The following SUN3 variants were observed in gnomAD, a reference collection of about 807,000 sequenced individuals.
The protein encoded by SUN3 is Sad1 and UNC84 domain containing 3.
In SUN3, 36 loss-of-function variants were observed where a neutral mutation model predicts 48.2. The ratio of observed to expected loss-of-function variants is 0.75; its 90% CI spans 0.57 to 0.99. The LOEUF (loss-of-function observed/expected upper bound fraction) is 0.99. SUN3 is among the 50% of genes least tolerant of loss of function. SUN3 has a pLI of 0.00. For missense variants in SUN3, 419 were observed against 433.1 expected, an observed-to-expected ratio of 0.97 and a Z score of 0.29; for synonymous variants, 148 against 147.9, an observed-to-expected ratio of 1.00 and a Z score of 0.00.
chr7:47,991,587 G>A (rs1317786965), intron 8 of SUN3, among the ~76,000 whole-genome samples: 3 of 140,924 alleles, frequency 2.1e-5, no homozygotes, highest in South Asian at 2.4e-4. Flanking sequence ...GGAGTAGACA[G>A]TAAAACCAAA....
At chr7:48,014,690 C>T (rs1168937676) in intron 3 of SUN3, among the ~76,000 whole-genome samples, 1 of 152,174 alleles carries the variant, frequency 6.6e-6, no homozygotes, top group African/African-American at 2.4e-5. Flanking sequence ...ACTAACAGAA[C>T]CTGCCAGATA....
chr7:48,035,372 C>T, the SUN3 span: 3 of 603,432 alleles, frequency 5.0e-6, no homozygotes, highest in Non-Finnish European at 8.9e-6. The surrounding 1 kb of genome is among the most constrained non-coding windows in gnomAD (Gnocchi z 4.0). Flanking sequence ...CTCTGGGCTA[C>T]GGGCAGTTGA....
intron 2 of SUN3, among the ~76,000 whole-genome samples, chr7:48,022,822 A>AT (rs1790036521): frequency 1.3e-5 from 2 of 152,056 alleles, no homozygotes; most frequent in Admixed American, 6.6e-5. Flanking sequence ...TTATCACCTG[A>AT]TTTTTTTCTT....
chr7:48,031,483 T>C (rs1021076954), upstream of SUN3, among the ~76,000 whole-genome samples: 2 of 152,250 alleles, frequency 1.3e-5, no homozygotes, highest in African/African-American at 4.8e-5. Context: ...CTGGGCAACA[T>C]AGCCAGACCC....
chr7:48,030,464 A>T (rs1790240336), upstream of SUN3, among the ~76,000 whole-genome samples: 1 of 152,204 alleles, frequency 6.6e-6, no homozygotes, highest in Non-Finnish European at 1.5e-5. Context: ...AGTATGTGAC[A>T]TTGTATTATA....
At chr7:48,026,432 A>G (rs920540687) in intron 1 of SUN3, among the ~76,000 whole-genome samples, 2 of 152,164 alleles carry the variant, frequency 1.3e-5, no homozygotes, top group African/African-American at 4.8e-5. Flanking sequence ...GTTGAAGTAC[A>G]GTATGCTATA....
At chr7:48,005,093 T>C (rs1282282306) in intron 6 of SUN3, among the ~76,000 whole-genome samples, 1 of 152,312 alleles carries the variant, frequency 6.6e-6, no homozygotes, top group East Asian at 1.9e-4. Flanking sequence ...AAAATGGAAG[T>C]TGTAAATACA....
At chr7:47,990,775 AAAG>A (rs1456789513) in intron 8 of SUN3, among the ~76,000 whole-genome samples, 9 of 151,100 alleles carry the variant, frequency 6.0e-5, no homozygotes, top group Non-Finnish European at 8.9e-5. Context: ...CAGCCATAAA[AAAG>A]AACAAGATCG....
At chr7:48,026,884 T>TA (rs901523348) in intron 1 of SUN3, among the ~76,000 whole-genome samples, 15 of 152,170 alleles carry the variant, frequency 9.9e-5, no homozygotes, top group African/African-American at 2.2e-4. Flanking sequence ...CCAAAACTGT[T>TA]AAAAAAAGTA....
chr7:48,018,182 T>A (rs1253443233), intron 2 of SUN3, among the ~76,000 whole-genome samples: 2 of 152,150 alleles, frequency 1.3e-5, no homozygotes, highest in Non-Finnish European at 2.9e-5. Context: ...CCTGGCTTAG[T>A]CTTGAAGGAG....
rs75503116 is a variant in SUN3 at position 47,995,827 on chromosome 7, A to C, written c.693+204T>G. On this transcript the variant is annotated intron_variant, in intron 7 of 9. Transcript: ENST00000297325. Reference sequence around the variant, plus strand: ...TAATCTTAAAATGATAAATAAGTAAATAATTAATCATAGTTTACTGACCAT... The same window carrying C: ...TAATCTTAAAATGATAAATAAGTAACTAATTAATCATAGTTTACTGACCAT... 9.8e-3 allele frequency among the ~76,000 whole-genome samples: 1,496 copies of C among 152,350 alleles called. 31 individuals are homozygous for C. The highest frequency in any genetic ancestry group is 0.035 in the African/African-American group (1,440 of 41,572).
At chr7:48,001,694 C>A (rs1789381788) in intron 6 of SUN3, among the ~76,000 whole-genome samples, 1 of 151,886 alleles carries the variant, frequency 6.6e-6, no homozygotes, top group South Asian at 2.1e-4. Flanking sequence ...CCACCACGCC[C>A]AGCTAATTTT....
chr7:47,988,624 A>C (rs187804251), intron 9 of SUN3, among the ~76,000 whole-genome samples, 164 bp downstream of exon 9: 7 of 152,352 alleles, frequency 4.6e-5, no homozygotes, highest in African/African-American at 1.7e-4. Context: ...TTTTGCATTA[A>C]AATCCTCGTA....
intron 2 of SUN3, among the ~76,000 whole-genome samples, chr7:48,022,901 A>G (rs911395787): frequency 3.9e-5 from 6 of 152,114 alleles, no homozygotes; most frequent in Non-Finnish European, 7.4e-5. Context: ...AAAATTCTAT[A>G]TATGAGAAAA....
intron 6 of SUN3, among the ~76,000 whole-genome samples, chr7:47,999,627 T>C (rs1405062588): frequency 1.3e-5 from 2 of 152,254 alleles, no homozygotes; most frequent in Non-Finnish European, 2.9e-5. Flanking sequence ...CCGCCTCGCC[T>C]TGCAGGTTCA....
chr7:48,018,776 G>A (rs1202048339), intron 2 of SUN3, among the ~76,000 whole-genome samples: 3 of 152,046 alleles, frequency 2.0e-5, no homozygotes, highest in South Asian at 2.1e-4. Context: ...AAATCACATG[G>A]CATACGATGA....
intron 5 of SUN3, 118 bp from the exon 6 acceptor site, chr7:48,006,171 A>C: frequency 1.5e-6 from 1 of 663,564 alleles, no homozygotes; most frequent in Non-Finnish European, 2.7e-6. Flanking sequence ...GTGAGCCCCT[A>C]TCAGCTGCAC....
At chr7:47,996,237 A>AT (rs1789207874) in intron 6 of SUN3, 91 bp from the exon 7 acceptor site, 1 of 706,208 alleles carries the variant, frequency 1.4e-6, no homozygotes, top group Admixed American at 3.2e-5. Context: ...CTAGAAAATT[A>AT]TTACTGGGCA....
chr7:47,996,883 C>A (rs754844593), intron 6 of SUN3, among the ~76,000 whole-genome samples: 1 of 150,176 alleles, frequency 6.7e-6, no homozygotes, highest in Non-Finnish European at 1.5e-5. Context: ...CTCACTGCAA[C>A]CTCCGCTGCC....
Sources: allele counts gnomAD v4.1 joint callset (sites outside exome capture counted in the v4.1 genomes callset), GRCh38; gene constraint gnomAD v4.1.1; non-coding constraint Gnocchi (gnomAD v3.1); transcripts MANE v1.5; gene names NCBI Gene and HGNC (gene_info 2026-07-23, HGNC 2026-07-21).